ADAMTSL3: variants seen among roughly 807,000 people sequenced by gnomAD.
ADAMTSL3 encodes ADAMTS like 3, also known as ADAMTS-like protein 3.
ADAMTSL3 carries 128 observed loss-of-function variants against 201.7 expected under a neutral mutation model. The observed-to-expected ratio is 0.63, with a 90% CI of 0.55 to 0.73. ADAMTSL3 has a LOEUF of 0.73. ADAMTSL3 is among the 30% of genes least tolerant of loss of function. The pLI is 0.00. For synonymous variants in ADAMTSL3, 738 were observed against 748.4 expected, an observed-to-expected ratio of 0.99 and a Z score of 0.23; for missense variants, 1,990 against 2,119.6, an observed-to-expected ratio of 0.94 and a Z score of 1.20.
In ADAMTSL3 at chr15:83,982,253, T is replaced by C. The variant is rs766782484; in HGVS notation, c.2645-20T>C. ...ATGTTTATTCGTATTTTCTTTTCTT[T>C]CTTTTTTTTTTTCTTGGAGAAATCA... On this transcript the variant is annotated intron_variant, in intron 20 of 29. Transcript: ENST00000286744. The C allele has an allele frequency of 2.0e-6, 3 of 1,530,872 alleles. No individual in the cohort carries two copies. The South Asian group carries it at 3.7e-5, about 19-fold the overall frequency. 94.8% of individuals were successfully genotyped at this position (1,530,872 alleles called of 1,614,324 possible).
intron 3 of ADAMTSL3, among the ~76,000 whole-genome samples, chr15:83,705,834 C>G (rs193265761): frequency 6.6e-6 from 1 of 152,318 alleles, no homozygotes; most frequent in East Asian, 1.9e-4. Flanking sequence ...GGGAGCCACA[C>G]TGGTCATTGG....
chr15:83,723,112 A>G (rs928482498), intron 3 of ADAMTSL3, among the ~76,000 whole-genome samples: 2 of 152,196 alleles, frequency 1.3e-5, no homozygotes, highest in African/African-American at 4.8e-5. Context: ...ATGGACAAAA[A>G]AGAGATAGTA....
chr15:83,899,642 C>T lies in ADAMTSL3; in HGVS notation c.1616-5C>T, dbSNP rs781036146. 2.2e-5 allele frequency: 35 copies of T among 1,608,938 alleles called. No homozygotes were observed. The highest frequency in any genetic ancestry group is 8.9e-5 in the South Asian group (8 of 90,366). On this transcript the variant is annotated splice_polypyrimidine_tract_variant and splice_region_variant and intron_variant, in intron 14 of 29. Coordinates refer to ENST00000286744, the MANE Select transcript of ADAMTSL3 (RefSeq NM_207517.3). ...GGCTCATTGTTTATGTTCTCTTTTT[C>T]TTAGAAAAAAGTCCAGTGGAAGCAA...
intron 3 of ADAMTSL3, among the ~76,000 whole-genome samples, chr15:83,757,470 C>G (rs1008275258): frequency 3.4e-5 from 5 of 146,886 alleles, no homozygotes; most frequent in Non-Finnish European, 7.6e-5. Flanking sequence ...GCACCAAGTC[C>G]CTAGGCTGCA....
chr15:83,882,025 G>A (rs893354087), intron 9 of ADAMTSL3, among the ~76,000 whole-genome samples: 8 of 151,878 alleles, frequency 5.3e-5, no homozygotes, highest in African/African-American at 7.3e-5. Context: ...GCATGGTGGC[G>A]GGCACCTGTA....
At chr15:83,829,916 T>G (rs1040472971) in intron 6 of ADAMTSL3, among the ~76,000 whole-genome samples, 3 of 152,208 alleles carry the variant, frequency 2.0e-5, no homozygotes, top group African/African-American at 4.8e-5. Flanking sequence ...TTCTGTTCTT[T>G]TACATTTGCT....
At chr15:83,775,776 G>T (rs919069) in intron 4 of ADAMTSL3, among the ~76,000 whole-genome samples, 1 of 152,074 alleles carries the variant, frequency 6.6e-6, no homozygotes, top group Non-Finnish European at 1.5e-5. Flanking sequence ...GATTTCTTGC[G>T]TCCAATTCCC....
chr15:84,006,234 A>G (rs1411327649), intron 23 of ADAMTSL3, among the ~76,000 whole-genome samples: 1 of 152,170 alleles, frequency 6.6e-6, no homozygotes, highest in Non-Finnish European at 1.5e-5. Context: ...TGCCTTTTAT[A>G]AATTGGCAAC....
intron 7 of ADAMTSL3, among the ~76,000 whole-genome samples, chr15:83,840,805 C>G (rs1205372616): frequency 1.3e-5 from 2 of 152,202 alleles, no homozygotes; most frequent in African/African-American, 2.4e-5. Flanking sequence ...GAAAACTCAA[C>G]TTAGAAACAT....
intron 16 of ADAMTSL3, among the ~76,000 whole-genome samples, chr15:83,914,519 G>T (rs967666520): frequency 6.6e-5 from 10 of 152,208 alleles, no homozygotes; most frequent in African/African-American, 2.4e-4. Flanking sequence ...AAAGTGGCAT[G>T]TGCCTTACCC....
In ADAMTSL3 at chr15:83,982,254, CT is replaced by C. The variant is rs758713259; in HGVS notation, c.2645-8del. On this transcript the variant is annotated intron_variant, in intron 20 of 29. Coordinates refer to ENST00000286744, the MANE Select transcript of ADAMTSL3 (RefSeq NM_207517.3). ...TGTTTATTCGTATTTTCTTTTCTTT[CT>C]TTTTTTTTTTCTTGGAGAAATCAAA... 0.027 allele frequency: 27,345 copies of C among 1,024,934 alleles called. No homozygotes were observed. The highest frequency in any genetic ancestry group is 0.043 in the South Asian group (2,309 of 53,962). The allele number at this position is 1,024,934 out of a possible 1,614,324, so 63.5% of individuals were successfully genotyped here. A position where few individuals can be genotyped will look rare whatever the true frequency, so the allele number is the denominator to read the frequency against.
At chr15:83,905,582 T>C (rs996936137) in intron 15 of ADAMTSL3, among the ~76,000 whole-genome samples, 1 of 152,206 alleles carries the variant, frequency 6.6e-6, no homozygotes, top group Non-Finnish European at 1.5e-5. Flanking sequence ...CAGGAGGCTG[T>C]GGGAGCCATG....
intron 16 of ADAMTSL3, among the ~76,000 whole-genome samples, chr15:83,918,562 G>A (rs1269274710): frequency 6.6e-6 from 1 of 152,196 alleles, no homozygotes; most frequent in African/African-American, 2.4e-5. Context: ...AAGAGCATAT[G>A]CAAAGGCCAG....
intron 9 of ADAMTSL3, among the ~76,000 whole-genome samples, chr15:83,876,639 T>TTTG: frequency 6.6e-6 from 1 of 152,318 alleles, no homozygotes; most frequent in African/African-American, 2.4e-5. Context: ...TGTTTTGTTT[T>TTTG]GTTTTGTTTT....
In ADAMTSL3 at chr15:83,801,657, T is replaced by TAA. The variant is rs1567154031; in HGVS notation, c.318-2992_318-2991insAA. ...ATATAAATATATAAATATAAATATA[T>TAA]ATATATATATATATATATATATATA... On this transcript the variant is annotated intron_variant, in intron 4 of 29. Coordinates refer to ENST00000286744, the MANE Select transcript of ADAMTSL3 (RefSeq NM_207517.3). 2.7e-3 allele frequency among the ~76,000 whole-genome samples: 91 copies of TAA among 33,144 alleles called. 1 individual carries two copies. Among genetic ancestry groups the TAA allele is most frequent in the African/African-American group, 9.3e-3 (87 of 9,354 alleles). 21.7% of individuals were successfully genotyped at this position (33,144 alleles called of 152,430 possible).
In ADAMTSL3 at chr15:83,831,944, A is replaced by C. The variant is rs1567176119; in HGVS notation, c.601-6145A>C. On this transcript the variant is annotated intron_variant, in intron 6 of 29. Coordinates refer to ENST00000286744, the MANE Select transcript of ADAMTSL3 (RefSeq NM_207517.3). ...GTGGGTGAGTGGAGTATTGACTGAG[A>C]GGTAGAAATATACAATGAATGCAGT... Among the ~76,000 whole-genome samples, 4 of 152,238 alleles carry C rather than the reference A, an allele frequency of 2.6e-5. No homozygotes were observed. The South Asian group carries it at 8.3e-4, about 32-fold the overall frequency.
chr15:83,893,231 A>G (rs762437632), intron 13 of ADAMTSL3, among the ~76,000 whole-genome samples: 1 of 152,260 alleles, frequency 6.6e-6, no homozygotes, highest in Non-Finnish European at 1.5e-5. Flanking sequence ...TGCCTAATCC[A>G]TCTTTGAATA....
intron 27 of ADAMTSL3, 109 bp downstream of exon 27, chr15:84,025,545 C>A: frequency 9.9e-7 from 1 of 1,011,644 alleles, no homozygotes; most frequent in Non-Finnish European, 1.4e-6. Context: ...GGGCAGGAAT[C>A]TGACTGGTCT....
intron 2 of ADAMTSL3, among the ~76,000 whole-genome samples, chr15:83,671,748 T>C (rs2061332082): frequency 6.6e-6 from 1 of 152,336 alleles, no homozygotes; most frequent in Non-Finnish European, 1.5e-5. Flanking sequence ...TTAGCTCTAG[T>C]GGGGAGCAAT....
Sources: allele counts gnomAD v4.1 joint callset (sites outside exome capture counted in the v4.1 genomes callset), GRCh38; gene constraint gnomAD v4.1.1; transcripts MANE v1.5; gene names NCBI Gene and HGNC (gene_info 2026-07-23, HGNC 2026-07-21).